Variants in MAP3K5 observed in about 807,000 individuals in gnomAD.
MAP3K5 encodes the protein ASK-1.
A neutral mutation model predicts 158.7 loss-of-function variants in MAP3K5; 56 were observed. That is an observed-to-expected ratio of 0.35 (90% CI 0.28 to 0.44). The LOEUF is 0.44. Among genes scored for constraint, MAP3K5 ranks in the 20% least tolerant of loss-of-function variants. The probability of loss-of-function intolerance (pLI) is 1.00; values close to 1 mark genes in which losing one functional copy is unlikely to be tolerated. For synonymous variants in MAP3K5, 579 were observed against 601.7 expected, an observed-to-expected ratio of 0.96 and a Z score of 0.55; for missense variants, 1,294 against 1,674.8, an observed-to-expected ratio of 0.77 and a Z score of 3.97.
intron 1 of MAP3K5, among the ~76,000 whole-genome samples, chr6:136,758,062 T>C (rs1024276290): frequency 1.3e-5 from 2 of 152,208 alleles, no homozygotes; most frequent in African/African-American, 4.8e-5. Context: ...CAGCACCCAA[T>C]GCACAACTTT....
chr6:136,739,236 C>A (rs1782609118), intron 1 of MAP3K5, among the ~76,000 whole-genome samples: 1 of 152,134 alleles, frequency 6.6e-6, no homozygotes, highest in South Asian at 2.1e-4. Context: ...TACAAATGGC[C>A]ATGGTGTCGC....
chr6:136,680,368 G>A (rs192699808), intron 7 of MAP3K5, among the ~76,000 whole-genome samples: 1 of 152,248 alleles, frequency 6.6e-6, no homozygotes, highest in African/African-American at 2.4e-5. Flanking sequence ...ACCAAATTTT[G>A]AATAAATGAT....
chr6:136,577,126 G>C (rs947411007), intron 25 of MAP3K5, among the ~76,000 whole-genome samples: 1 of 152,036 alleles, frequency 6.6e-6, no homozygotes, highest in African/African-American at 2.4e-5. Context: ...GTCTTCTTTC[G>C]CATGTCTTCT....
chr6:136,746,287 A>AGGG (rs137967340), intron 1 of MAP3K5, among the ~76,000 whole-genome samples: 1 of 151,334 alleles, frequency 6.6e-6, no homozygotes, highest in African/African-American at 2.4e-5. Context: ...TAAAATTTTG[A>AGGG]GGGGGGGGCA....
chr6:136,713,246 A>G (rs1052106771), intron 2 of MAP3K5, among the ~76,000 whole-genome samples: 2 of 152,222 alleles, frequency 1.3e-5, no homozygotes, highest in South Asian at 4.1e-4. Flanking sequence ...CTACGACCAG[A>G]GTCACTACAA....
chr6:136,585,646 C>A (rs1237537893), intron 23 of MAP3K5, among the ~76,000 whole-genome samples: 1 of 151,892 alleles, frequency 6.6e-6, no homozygotes, highest in Non-Finnish European at 1.5e-5. Flanking sequence ...ATTACAGGCA[C>A]CTGTCATGCC....
chr6:136,594,806 G>T (rs77204870), intron 21 of MAP3K5, among the ~76,000 whole-genome samples: 1 of 149,510 alleles, frequency 6.7e-6, no homozygotes, highest in African/African-American at 2.5e-5. Context: ...CCGTGTTTGT[G>T]TGTGTGTGTG....
At chr6:136,656,681 G>A (rs908871750) in intron 9 of MAP3K5, among the ~76,000 whole-genome samples, 3 of 151,790 alleles carry the variant, frequency 2.0e-5, no homozygotes, top group African/African-American at 7.3e-5. Flanking sequence ...CTGGAGTGCA[G>A]TGGTGTAATC....
chr6:136,580,430 C>T (rs1447901207), intron 24 of MAP3K5, 24 bp from the exon 25 acceptor site: 3 of 1,488,124 alleles, frequency 2.0e-6, no homozygotes, highest in Non-Finnish European at 2.8e-6. Flanking sequence ...GACATTTAGC[C>T]TACTTTAATT....
chr6:136,786,613 C>A (rs1250444434), intron 1 of MAP3K5, among the ~76,000 whole-genome samples: 1 of 151,892 alleles, frequency 6.6e-6, no homozygotes, highest in Non-Finnish European at 1.5e-5. Context: ...ATTAGCTTCA[C>A]CTCAGAAAGA....
At chr6:136,601,163 G>T (rs1775858038) in intron 20 of MAP3K5, 121 bp from the exon 21 acceptor site, 1 of 837,130 alleles carries the variant, frequency 1.2e-6, no homozygotes, top group Non-Finnish European at 1.9e-6. Flanking sequence ...CATTCAATCT[G>T]CCCATTCTCC....
chr6:136,676,250 G>A (rs893776820), intron 7 of MAP3K5, among the ~76,000 whole-genome samples: 5 of 152,174 alleles, frequency 3.3e-5, no homozygotes, highest in Non-Finnish European at 5.9e-5. Context: ...AAATACTTGT[G>A]AAATGAAGAA....
Position 136,668,483 on chromosome 6 carries a change from G to A in MAP3K5, c.1366+800C>T, listed in dbSNP as rs535074414. Among the ~76,000 whole-genome samples the A allele has an allele frequency of 7.2e-5, 11 of 152,272 alleles. No homozygotes were observed. The South Asian group carries it at 2.3e-3, about 32-fold the overall frequency. ...TTTTTTCCCTATGAAAAACAAGGCT[G>A]AATATTTCTATGTCTGTAGTAATTC... On this transcript the variant is annotated intron_variant, in intron 8 of 29. Coordinates refer to ENST00000359015, the MANE Select transcript of MAP3K5 (RefSeq NM_005923.4).
chr6:136,578,677 G>A (rs1774727908), intron 25 of MAP3K5, among the ~76,000 whole-genome samples: 2 of 151,434 alleles, frequency 1.3e-5, no homozygotes, highest in Non-Finnish European at 1.5e-5. Context: ...ACATGTTCAG[G>A]GATAGCAGAA....
In MAP3K5 at chr6:136,765,679, A is replaced by ATT. The variant is rs780589836; in HGVS notation, c.448+26029_448+26030dup. 1.5e-3 allele frequency among the ~76,000 whole-genome samples: 184 copies of ATT among 119,992 alleles called. 1 individual carries two copies. Among genetic ancestry groups the ATT allele is most frequent in the African/African-American group, 2.4e-3 (74 of 31,272 alleles). 78.7% of individuals were successfully genotyped at this position (119,992 alleles called of 152,430 possible). A position where few individuals can be genotyped will look rare whatever the true frequency, so the allele number is the denominator to read the frequency against. On this transcript the variant is annotated intron_variant, in intron 1 of 29. Coordinates refer to ENST00000359015, the MANE Select transcript of MAP3K5 (RefSeq NM_005923.4). ...AAGTGCCCACCACCATGCCTGGCTA[A>ATT]TTTTTTTTTTTTTTTTTTTTTTGTA...
intron 1 of MAP3K5, among the ~76,000 whole-genome samples, chr6:136,742,695 T>C (rs539559981): frequency 6.6e-6 from 1 of 152,246 alleles, no homozygotes; most frequent in Non-Finnish European, 1.5e-5. Flanking sequence ...TTGTCAAGAC[T>C]GTGAAGAGAA....
intron 8 of MAP3K5, 65 bp from the exon 9 acceptor site, chr6:136,659,443 C>A (rs1457070083): frequency 6.9e-7 from 1 of 1,448,114 alleles, no homozygotes; most frequent in African/African-American, 1.4e-5. Context: ...CAGGTTTTCA[C>A]TAAAAAGTAA....
chr6:136,673,500 G>A (rs1396164946), intron 7 of MAP3K5, among the ~76,000 whole-genome samples: 1 of 151,894 alleles, frequency 6.6e-6, no homozygotes. Context: ...AAAGAATATA[G>A]AGAAAAAGAT....
intron 14 of MAP3K5, chr6:136,636,877 G>A (rs904554752): frequency 8.1e-6 from 8 of 990,102 alleles, no homozygotes; most frequent in Admixed American, 1.2e-4. Context: ...AACAACATTT[G>A]AAGTCATTGT....
Sources: gnomAD v4.1 joint callset for allele counts (sites outside exome capture counted in the v4.1 genomes callset) on GRCh38, gnomAD v4.1.1 for gene constraint, MANE v1.5 for transcripts, NCBI Gene and HGNC (gene_info 2026-07-23, HGNC 2026-07-21) for gene names.